ARHGAP39: variants seen among roughly 807,000 people sequenced by gnomAD.
ARHGAP39 encodes the protein Rho GTPase activating protein 39.
In ARHGAP39, 44 loss-of-function variants were observed where a neutral mutation model predicts 106.9. The ratio of observed to expected loss-of-function variants is 0.41; its 90% CI spans 0.32 to 0.53. The LOEUF (loss-of-function observed/expected upper bound fraction) is 0.53. ARHGAP39 is among the 20% of genes least tolerant of loss of function. The pLI is 0.21. For synonymous variants in ARHGAP39, 768 were observed against 693.2 expected, an observed-to-expected ratio of 1.11 and a Z score of -1.69; for missense variants, 1,496 against 1,577.3, an observed-to-expected ratio of 0.95 and a Z score of 0.87.
At chr8:144,575,804 T>C (rs12114964) in intron 3 of ARHGAP39, among the ~76,000 whole-genome samples, 15,811 of 152,288 alleles carry the variant, frequency 0.1, 2,019 homozygotes, top group African/African-American at 0.3. Context: ...GCTGCTCCTC[T>C]GTAGGACCGC....
chr8:144,626,627 A>C (rs987273220), intron 1 of ARHGAP39, among the ~76,000 whole-genome samples: 1 of 152,194 alleles, frequency 6.6e-6, no homozygotes, highest in Non-Finnish European at 1.5e-5. Context: ...CACCCACTGC[A>C]CTGCAGCAGG....
intron 3 of ARHGAP39, among the ~76,000 whole-genome samples, chr8:144,577,145 T>G (rs1204283215): frequency 1.3e-5 from 2 of 152,218 alleles, no homozygotes; most frequent in Non-Finnish European, 2.9e-5. Context: ...TGGCCTGCTC[T>G]GGTGTGTGTT....
chr8:144,673,549 T>C (rs1478248119), intron 1 of ARHGAP39, among the ~76,000 whole-genome samples: 1 of 152,262 alleles, frequency 6.6e-6, no homozygotes, highest in Non-Finnish European at 1.5e-5. Context: ...TGTCATCCCC[T>C]AGCCCTTGGC....
At chr8:144,633,030 T>C (rs1821100966) in intron 1 of ARHGAP39, among the ~76,000 whole-genome samples, 1 of 152,204 alleles carries the variant, frequency 6.6e-6, no homozygotes, top group South Asian at 2.1e-4. Context: ...TAATCCCAGC[T>C]TCCTGGGAGG....
At chr8:144,532,460 G>C in intron 9 of ARHGAP39, 64 bp from the exon 10 acceptor site, 2 of 1,434,122 alleles carry the variant, frequency 1.4e-6, no homozygotes, top group Non-Finnish European at 9.7e-7. Flanking sequence ...GATTCCGCCT[G>C]GACACTCCCT....
intron 3 of ARHGAP39, among the ~76,000 whole-genome samples, chr8:144,579,371 C>T (rs1024333609): frequency 1.3e-5 from 2 of 152,028 alleles, no homozygotes; most frequent in Non-Finnish European, 1.5e-5. Context: ...TAACTTTGAA[C>T]CCTCATATTT....
chr8:144,674,456 T>A (rs183112202), intron 1 of ARHGAP39, among the ~76,000 whole-genome samples: 81 of 151,990 alleles, frequency 5.3e-4, no homozygotes, highest in Non-Finnish European at 9.9e-4. Context: ...GAGTCCAGGG[T>A]TTTTATGGGC....
chr8:144,541,392 CAT>C, intron 6 of ARHGAP39, among the ~76,000 whole-genome samples: 1 of 152,208 alleles, frequency 6.6e-6, no homozygotes, highest in Non-Finnish European at 1.5e-5. Context: ...GTAAAATACA[CAT>C]AAAATTTACC....
intron 1 of ARHGAP39, among the ~76,000 whole-genome samples, chr8:144,633,547 C>T (rs921747876): frequency 2.0e-5 from 3 of 152,226 alleles, no homozygotes; most frequent in African/African-American, 7.2e-5. Context: ...CCCAAAATTT[C>T]AAAGCCCAGC....
the ARHGAP39 span, chr8:144,698,888 T>TG: frequency 4.8e-5 from 22 of 455,632 alleles, no homozygotes; most frequent in East Asian, 7.7e-4. Context: ...ACCCCTCCCT[T>TG]GGGGGGGTTG....
chr8:144,676,877 C>T (rs1418104988), intron 1 of ARHGAP39, among the ~76,000 whole-genome samples: 3 of 152,272 alleles, frequency 2.0e-5, no homozygotes, highest in African/African-American at 2.4e-5. Flanking sequence ...GCCGAGGAGG[C>T]GCCGAGAGCA....
At chr8:144,566,848 C>T (rs983401689) in intron 3 of ARHGAP39, among the ~76,000 whole-genome samples, 4 of 147,682 alleles carry the variant, frequency 2.7e-5, no homozygotes, top group Non-Finnish European at 5.9e-5. Context: ...TAGTGAGACT[C>T]CATCTCAAAA....
intron 7 of ARHGAP39, among the ~76,000 whole-genome samples, chr8:144,536,016 T>C (rs1295079858): frequency 6.6e-6 from 1 of 152,186 alleles, no homozygotes; most frequent in Non-Finnish European, 1.5e-5. Flanking sequence ...ATGACTGCAC[T>C]CACGCTGCCT....
rs372179704 is a variant in ARHGAP39, at chr8:144,592,458, A to G, written c.81-11181T>C. Among the ~76,000 whole-genome samples the G allele has an allele frequency of 4.9e-4, 62 of 127,236 alleles. 1 individual carries two copies. In the East Asian group the frequency reaches 8.5e-3, roughly 18 times the overall value. 83.5% of individuals were successfully genotyped at this position (127,236 alleles called of 152,430 possible). A position where few individuals can be genotyped will look rare whatever the true frequency, so the allele number is the denominator to read the frequency against. On this transcript the variant is annotated intron_variant, in intron 2 of 11. Transcript: ENST00000377307. ...ACAGCACTGAGCCCAGACCCTCGGG[A>G]AACCTGAGGGCACCTCCTGGGGGAC...
In ARHGAP39 at chr8:144,581,236, C is replaced by T. The variant is rs369204996; in HGVS notation, c.122G>A (p.Arg41His). 5.2e-5 allele frequency: 81 copies of T among 1,554,058 alleles called. No individual in the cohort carries two copies. In the African/African-American group the frequency reaches 7.3e-4, roughly 14 times the overall value. Residue 41 changes from arginine (R) to histidine (H), a missense_variant, in exon 3 of 12, where the codon CGC (arginine) becomes CAC (histidine). Physicochemically the swap from Arg to His is conservative, Grantham distance 29. Around this residue, in one of 4 missense-constraint regions of ARHGAP39, gnomAD observed 96 missense variants for 107.9 expected, o/e 0.89. Coordinates refer to ENST00000377307, the MANE Select transcript of ARHGAP39 (RefSeq NM_025251.3). ...ACCGGTGACCAGGTTGGCGTACATG[C>T]GCTCGCGGGTGCGCGGTTCGATGAT... Reference protein sequence around the residue: ...VEIIEPRTRERMYANLVTGEC... With the variant: ...VEIIEPRTREHMYANLVTGEC...
chr8:144,687,793 A>AC (rs150497157), upstream of ARHGAP39, among the ~76,000 whole-genome samples: 116 of 39,868 alleles, frequency 2.9e-3, no homozygotes, highest in African/African-American at 4.7e-3. Flanking sequence ...AGCACTTCCC[A>AC]CCCCGTGACC....
chr8:144,569,787 AT>A (rs767657862), intron 3 of ARHGAP39, among the ~76,000 whole-genome samples: 32 of 152,312 alleles, frequency 2.1e-4, no homozygotes, highest in Non-Finnish European at 4.0e-4. Context: ...TTGCCTTTCA[AT>A]TTTCCTTCCA....
At chr8:144,565,124 A>G (rs968212098) in intron 3 of ARHGAP39, among the ~76,000 whole-genome samples, 2 of 152,012 alleles carry the variant, frequency 1.3e-5, no homozygotes, top group African/African-American at 4.8e-5. Context: ...AAAAAATTAT[A>G]TACATATAAA....
chr8:144,660,216 T>G (rs1821789734), intron 1 of ARHGAP39, among the ~76,000 whole-genome samples: 1 of 152,180 alleles, frequency 6.6e-6, no homozygotes, highest in Non-Finnish European at 1.5e-5. Flanking sequence ...TGGCGTCAGC[T>G]CTGCAGCACC....
Sources: gnomAD v4.1 joint callset for allele counts (sites outside exome capture counted in the v4.1 genomes callset) on GRCh38, gnomAD v4.1.1 for gene constraint, gnomAD v4.1.1 regional missense constraint, MANE v1.5 for transcripts, NCBI Gene and HGNC (gene_info 2026-07-23, HGNC 2026-07-21) for gene names.